The following MGST1 variants were observed in gnomAD, a reference collection of about 807,000 sequenced individuals.
MGST1 encodes microsomal glutathione S-transferase 1, also known as glutathione S-transferase 12.
Under a neutral mutation model 8.9 loss-of-function variants are expected in MGST1, and 5 were observed. The observed-to-expected ratio is 0.56, with a 90% confidence interval of 0.29 to 1.19. The LOEUF (loss-of-function observed/expected upper bound fraction) is 1.19. Among genes scored for constraint, MGST1 ranks in the 50% most tolerant of loss-of-function variants. The probability of loss-of-function intolerance (pLI) is 0.08; values close to 1 mark genes in which losing one functional copy is unlikely to be tolerated. For missense variants in MGST1, 182 were observed against 187.4 expected (o/e 0.97, Z 0.17); for synonymous variants, 54 against 67.8 (o/e 0.80, Z 1.00).
At chr12:16,563,298 T>C (rs1223802998) in intron 4 of MGST1, among the ~76,000 whole-genome samples, 1 of 152,184 alleles carries the variant, frequency 6.6e-6, no homozygotes, top group Non-Finnish European at 1.5e-5. Context: ...TATAGCTACA[T>C]TCGAGTTCTC....
At chr12:16,400,054 T>A in intron 1 of MGST1, 1 of 1,580,082 alleles carries the variant, frequency 6.3e-7, no homozygotes, top group Non-Finnish European at 8.7e-7. Flanking sequence ...CAGTTCCTCC[T>A]TAGTTAGAGC....
chr12:16,509,884 C>G (rs1412341327), intron 4 of MGST1, among the ~76,000 whole-genome samples: 2 of 152,136 alleles, frequency 1.3e-5, no homozygotes, highest in African/African-American at 4.8e-5. Context: ...CGCAAGGAGA[C>G]AGTATAATGA....
chr12:16,589,104 A>C lies in MGST1; in HGVS notation n.483-424A>C, dbSNP rs1943412948. On this transcript the variant is annotated intron_variant and non_coding_transcript_variant, in intron 4 of 4. Coordinates refer to the MGST1 transcript ENST00000538857. The surrounding 1 kb of genome is among the most constrained non-coding windows in gnomAD (Gnocchi z 4.2). ...AGGTCTGGATACCTCACCGTGATGC[A>C]ACCTGACATGCCTCTAAGATCTACG... Among the ~76,000 whole-genome samples, 1 of 152,138 alleles carries C rather than the reference A, an allele frequency of 6.6e-6. No individual in the cohort carries two copies. The highest frequency in any genetic ancestry group is 6.6e-5 in the Admixed American group (1 of 15,252).
chr12:16,351,202 G>A (rs1939446351), intron 1 of MGST1, among the ~76,000 whole-genome samples: 1 of 152,120 alleles, frequency 6.6e-6, no homozygotes, highest in African/African-American at 2.4e-5. Context: ...TCACACGCTT[G>A]CTGTATTTCT....
chr12:16,397,096 C>T (rs147818299), intron 1 of MGST1, among the ~76,000 whole-genome samples: 20 of 152,234 alleles, frequency 1.3e-4, no homozygotes, highest in East Asian at 3.9e-4. Flanking sequence ...ACCAATGGAA[C>T]GGAACAGAAA....
At chr12:16,420,407 A>G (rs1565451034) in intron 1 of MGST1, among the ~76,000 whole-genome samples, 1 of 152,214 alleles carries the variant, frequency 6.6e-6, no homozygotes, top group Non-Finnish European at 1.5e-5. Flanking sequence ...ACTTTTCTAG[A>G]TATGTTCATT....
chr12:16,528,258 A>G (rs1262023458), intron 4 of MGST1, among the ~76,000 whole-genome samples: 1 of 152,030 alleles, frequency 6.6e-6, no homozygotes, highest in Non-Finnish European at 1.5e-5. Flanking sequence ...TGCTTTCCAT[A>G]GTGAAACACA....
intron 4 of MGST1, among the ~76,000 whole-genome samples, chr12:16,518,265 G>T (rs1591750162): frequency 6.6e-6 from 1 of 152,070 alleles, no homozygotes; most frequent in Non-Finnish European, 1.5e-5. Context: ...GGTTGTCTCT[G>T]CCTTGGAGCC....
intron 1 of MGST1, among the ~76,000 whole-genome samples, chr12:16,398,407 C>G (rs922768598): frequency 2.0e-5 from 3 of 152,318 alleles, no homozygotes; most frequent in Non-Finnish European, 2.9e-5. Context: ...TAGATATGGC[C>G]TCCCTTCCTC....
chr12:16,387,438 C>T (rs939005704), intron 1 of MGST1, among the ~76,000 whole-genome samples: 8 of 152,122 alleles, frequency 5.3e-5, no homozygotes, highest in Non-Finnish European at 7.4e-5. Context: ...CCTAGGCCTT[C>T]GCATTCACTG....
intron 4 of MGST1, among the ~76,000 whole-genome samples, chr12:16,552,505 A>G (rs985836810): frequency 1.3e-5 from 2 of 152,106 alleles, no homozygotes; most frequent in African/African-American, 4.8e-5. Flanking sequence ...GGAATGCTAG[A>G]CAAACAGTGA....
downstream of MGST1, among the ~76,000 whole-genome samples, chr12:16,377,392 T>C (rs1443897994): frequency 2.7e-5 from 4 of 148,494 alleles, no homozygotes; most frequent in South Asian, 2.1e-4. Flanking sequence ...TGAGAACATA[T>C]GGTGTTTCGT....
downstream of MGST1, among the ~76,000 whole-genome samples, chr12:16,382,080 C>T (rs921985303): frequency 6.6e-6 from 1 of 151,952 alleles, no homozygotes; most frequent in African/African-American, 2.4e-5. Context: ...GCCATTGGTT[C>T]GAATTTCCTC....
At chr12:16,412,408 A>G (rs1347891732) in intron 1 of MGST1, among the ~76,000 whole-genome samples, 1 of 152,162 alleles carries the variant, frequency 6.6e-6, no homozygotes, top group Non-Finnish European at 1.5e-5. Flanking sequence ...CCCAGTTGGA[A>G]ATTGGTCAGA....
chr12:16,479,235 C>CTTTTTTTT (rs542448251), intron 4 of MGST1, among the ~76,000 whole-genome samples: 33 of 112,038 alleles, frequency 2.9e-4, no homozygotes, highest in Non-Finnish European at 4.4e-4. Context: ...TAGACTGTAT[C>CTTTTTTTT]TTTTTTTTTT....
At chr12:16,360,830 G>C (rs2287151) in intron 3 of MGST1, among the ~76,000 whole-genome samples, 2 of 152,292 alleles carry the variant, frequency 1.3e-5, no homozygotes, top group East Asian at 3.9e-4. Flanking sequence ...ATAGGCTAGG[G>C]GTTGAACTGG....
intron 4 of MGST1, among the ~76,000 whole-genome samples, chr12:16,454,821 C>G (rs1591733719): frequency 9.9e-6 from 1 of 100,906 alleles, no homozygotes. Flanking sequence ...ACTGAACTGT[C>G]AATGAAACCT....
chr12:16,472,187 A>C (rs906019931), intron 4 of MGST1, among the ~76,000 whole-genome samples: 1 of 152,172 alleles, frequency 6.6e-6, no homozygotes, highest in African/African-American at 2.4e-5. Context: ...AAATTTGTGT[A>C]ATCTTTCAGC....
chr12:16,355,729 T>A (rs1239427616), intron 2 of MGST1, among the ~76,000 whole-genome samples: 3 of 152,192 alleles, frequency 2.0e-5, no homozygotes, highest in African/African-American at 4.8e-5. Context: ...TATGTGTGCT[T>A]GGTCATGCAG....
Sources: gnomAD v4.1 joint callset for allele counts (sites outside exome capture counted in the v4.1 genomes callset) on GRCh38, gnomAD v4.1.1 for gene constraint, Gnocchi (gnomAD v3.1) non-coding constraint, MANE v1.5 for transcripts, NCBI Gene and HGNC (gene_info 2026-07-23, HGNC 2026-07-21) for gene names.